The following ERBB4 variants were observed in gnomAD, a reference collection of about 807,000 sequenced individuals.
ERBB4 encodes the protein erb-b2 receptor tyrosine kinase 4.
ERBB4 carries 42 observed loss-of-function variants against 158.0 expected under a neutral mutation model. The observed-to-expected ratio is 0.27, with a 90% CI of 0.21 to 0.34. The LOEUF is 0.34. Among genes scored for constraint, ERBB4 ranks in the 10% least tolerant of loss-of-function variants. The pLI is 1.00. For synonymous variants in ERBB4, 583 were observed against 558.7 expected, an observed-to-expected ratio of 1.04 and a Z score of -0.61; for missense variants, 1,333 against 1,624.1, an observed-to-expected ratio of 0.82 and a Z score of 3.08.
At chr2:212,299,048 G>C (rs1332656296) in intron 1 of ERBB4, among the ~76,000 whole-genome samples, 1 of 151,564 alleles carries the variant, frequency 6.6e-6, no homozygotes, top group Admixed American at 6.6e-5. Context: ...CTGAGTTAAA[G>C]GCTTTATATA....
At chr2:212,315,075 A>T (rs747452738) in intron 1 of ERBB4, among the ~76,000 whole-genome samples, 1 of 151,326 alleles carries the variant, frequency 6.6e-6, no homozygotes, top group Non-Finnish European at 1.5e-5. Context: ...ACCAAAACAG[A>T]TAAGTTTTAA....
At chr2:211,445,988 G>GAGAT (rs1183374462) in intron 20 of ERBB4, among the ~76,000 whole-genome samples, 1 of 152,170 alleles carries the variant, frequency 6.6e-6, no homozygotes, top group Non-Finnish European at 1.5e-5. Flanking sequence ...CATTTCCTCT[G>GAGAT]AGATAGCAAC....
intron 1 of ERBB4, among the ~76,000 whole-genome samples, chr2:212,356,985 G>A (rs1276620940): frequency 6.6e-6 from 1 of 151,564 alleles, no homozygotes; most frequent in Admixed American, 6.6e-5. Context: ...GATTTTTGTG[G>A]CCTAAGAAAA....
At chr2:212,140,720 A>C (rs1459859095) in intron 1 of ERBB4, among the ~76,000 whole-genome samples, 1 of 151,342 alleles carries the variant, frequency 6.6e-6, no homozygotes, top group African/African-American at 2.4e-5. Flanking sequence ...TAAAATATCT[A>C]AAATAAAAGT....
At chr2:212,066,979 TAAGA>T (rs778292235) in intron 2 of ERBB4, among the ~76,000 whole-genome samples, 1 of 151,990 alleles carries the variant, frequency 6.6e-6, no homozygotes, top group Non-Finnish European at 1.5e-5. Context: ...AATGAACTGA[TAAGA>T]AAGAATTATG....
At chr2:211,760,613 T>A (rs1417145870) in intron 4 of ERBB4, among the ~76,000 whole-genome samples, 1 of 152,178 alleles carries the variant, frequency 6.6e-6, no homozygotes, top group East Asian at 1.9e-4. Flanking sequence ...TGAGACACAT[T>A]AGAATTTCAA....
At chr2:212,029,221 T>G (rs1004709315) in intron 2 of ERBB4, among the ~76,000 whole-genome samples, 1 of 152,150 alleles carries the variant, frequency 6.6e-6, no homozygotes, top group Non-Finnish European at 1.5e-5. Context: ...AGTCCTGCTC[T>G]GCAGAAGGAG....
intron 1 of ERBB4, among the ~76,000 whole-genome samples, chr2:212,346,743 T>A (rs1057195690): frequency 6.6e-6 from 1 of 152,094 alleles, no homozygotes; most frequent in Non-Finnish European, 1.5e-5. Flanking sequence ...TCACACAATA[T>A]GTGTTGAAAC....
Position 211,535,343 on chromosome 2 carries a change from A to C in ERBB4, c.2487+26560T>G, listed in dbSNP as rs371487101. Among the ~76,000 whole-genome samples, 159 of 152,062 alleles carry C rather than the reference A, an allele frequency of 1.0e-3. 1 individual carries two copies. The highest frequency in any genetic ancestry group is 3.5e-3 in the African/African-American group (145 of 41,512). The stretch of plus-strand genomic sequence containing the variant: ...TCTCTTATTCTCATTCTCACTTTTA[A>C]CTTTTAATCTCTTTTCAACTACCAA... On this transcript the variant is annotated intron_variant, in intron 20 of 27. Coordinates refer to ENST00000342788, the MANE Select transcript of ERBB4 (RefSeq NM_005235.3).
At chr2:211,717,124 C>A (rs2106103736) in intron 7 of ERBB4, among the ~76,000 whole-genome samples, 1 of 152,284 alleles carries the variant, frequency 6.6e-6, no homozygotes, top group East Asian at 1.9e-4. Context: ...ACCAAAAAAA[C>A]TCCAAGAAAG....
At chr2:212,113,268 T>G (rs1360746547) in intron 2 of ERBB4, among the ~76,000 whole-genome samples, 2 of 152,044 alleles carry the variant, frequency 1.3e-5, no homozygotes, top group Non-Finnish European at 2.9e-5. Flanking sequence ...CACAGAGACC[T>G]TAGTTTATAA....
At chr2:212,175,481 A>G (rs1260350683) in intron 1 of ERBB4, among the ~76,000 whole-genome samples, 5 of 151,986 alleles carry the variant, frequency 3.3e-5, no homozygotes, top group East Asian at 1.9e-4. Context: ...TAGATTTTCT[A>G]TCATTAAGAA....
intron 3 of ERBB4, among the ~76,000 whole-genome samples, chr2:211,861,124 T>TATA (rs1553648445): frequency 4.9e-5 from 1 of 20,254 alleles, no homozygotes; most frequent in African/African-American, 2.3e-4. Context: ...TATATATATT[T>TATA]TATATATATA....
intron 20 of ERBB4, among the ~76,000 whole-genome samples, chr2:211,527,269 A>G (rs2066374118): frequency 6.6e-6 from 1 of 152,156 alleles, no homozygotes; most frequent in Non-Finnish European, 1.5e-5. Context: ...GAAACCTTAC[A>G]GGCCAGGAGG....
Position 212,090,161 on chromosome 2 carries a change from C to T in ERBB4, c.234+34591G>A, listed in dbSNP as rs1432523173. On this transcript the variant is annotated intron_variant, in intron 2 of 27. Coordinates refer to ENST00000342788, the MANE Select transcript of ERBB4 (RefSeq NM_005235.3). ...GACACTCAGTCTAGAAGCTGTGGCACTTTGATTTACTTATCTGAAAATAAA... is the reference window on the plus strand; with the variant it reads ...GACACTCAGTCTAGAAGCTGTGGCATTTTGATTTACTTATCTGAAAATAAA... Among the ~76,000 whole-genome samples the T allele has an allele frequency of 2.6e-5, 4 of 152,288 alleles. No individual in the cohort carries two copies. In the East Asian group the frequency reaches 7.7e-4, roughly 29 times the overall value.
chr2:212,430,294 A>G (rs1009751310), intron 1 of ERBB4, among the ~76,000 whole-genome samples: 2 of 152,224 alleles, frequency 1.3e-5, no homozygotes, highest in Admixed American at 6.5e-5. Flanking sequence ...CACCATGTCT[A>G]TATCAAACAT....
intron 1 of ERBB4, among the ~76,000 whole-genome samples, chr2:212,155,267 T>A (rs1279189317): frequency 2.0e-5 from 3 of 152,102 alleles, no homozygotes; most frequent in Non-Finnish European, 4.4e-5. Context: ...TTTTAAATAC[T>A]GTATGTATAA....
At chr2:211,590,858 GT>G (rs2068439995) in intron 19 of ERBB4, among the ~76,000 whole-genome samples, 1 of 152,186 alleles carries the variant, frequency 6.6e-6, no homozygotes, top group African/African-American at 2.4e-5. Context: ...ACAGGGAGAG[GT>G]TTCTGTTAAA....
At chr2:211,490,629 G>T (rs1468483150) in intron 20 of ERBB4, among the ~76,000 whole-genome samples, 1 of 152,026 alleles carries the variant, frequency 6.6e-6, no homozygotes, top group Non-Finnish European at 1.5e-5. Flanking sequence ...CAGGCTGGAG[G>T]ATTAACACCA....
Sources: gnomAD v4.1 joint callset for allele counts (sites outside exome capture counted in the v4.1 genomes callset) on GRCh38, gnomAD v4.1.1 for gene constraint, MANE v1.5 for transcripts, NCBI Gene and HGNC (gene_info 2026-07-23, HGNC 2026-07-21) for gene names.